The following THAP4 variants were observed in gnomAD, a reference collection of about 807,000 sequenced individuals.
THAP4 encodes THAP domain containing 4.
THAP4 carries 18 observed loss-of-function variants against 48.1 expected under a neutral mutation model. That is an observed-to-expected ratio of 0.37 (90% confidence interval 0.26 to 0.56). The LOEUF is 0.56. Among genes scored for constraint, THAP4 ranks in the 20% least tolerant of loss-of-function variants. THAP4 has a pLI of 0.78. For synonymous variants in THAP4, 345 were observed against 324.9 expected (o/e 1.06, Z -0.66); for missense variants, 656 against 774.9 (o/e 0.85, Z 1.82).
chr2:241,620,248 G>C (rs1291855075), intron 2 of THAP4, among the ~76,000 whole-genome samples: 3 of 97,970 alleles, frequency 3.1e-5, no homozygotes, highest in Non-Finnish European at 4.1e-5. Context: ...AGGAGTGAGT[G>C]AGGAGTGAGT....
At chr2:241,607,105 G>C (rs1432992222) in intron 2 of THAP4, among the ~76,000 whole-genome samples, 1 of 152,130 alleles carries the variant, frequency 6.6e-6, no homozygotes, top group Non-Finnish European at 1.5e-5. Flanking sequence ...CTTCACAGCA[G>C]CCTGTGTAGT....
At position 241,619,419 on chromosome 2, in the gene THAP4, T is replaced by A. The variant is rs990071419; in HGVS notation, c.1241-12946A>T. On this transcript the variant is annotated intron_variant, in intron 2 of 5. Transcript: ENST00000407315. ...ATTGTACAAACGTCACAGAGTGCAC[T>A]TACCGCGTACCACGCACCTAGGCTG... Among the ~76,000 whole-genome samples, 5 of 152,354 alleles carry A rather than the reference T, an allele frequency of 3.3e-5. No homozygotes were observed. The East Asian group carries it at 5.8e-4, about 18-fold the overall frequency.
In THAP4 at chr2:241,610,091, G is replaced by A. The variant is rs2067246002; in HGVS notation, c.1241-3618C>T. ...CCGGCCCCTGGGTCCCGAGGGCCCC[G>A]AGGAAGAGGCCAAGGGGCCTGGCGG... On this transcript the variant is annotated intron_variant, in intron 2 of 5. Coordinates refer to ENST00000407315, the MANE Select transcript of THAP4 (RefSeq NM_015963.6). The surrounding 1 kb of genome is among the most constrained non-coding windows in gnomAD (Gnocchi z 4.2). Among the ~76,000 whole-genome samples the A allele has an allele frequency of 6.6e-6, 1 of 152,180 alleles. No homozygotes were observed. Among genetic ancestry groups the A allele is most frequent in the East Asian group, 1.9e-4 (1 of 5,186 alleles).
chr2:241,594,905 A>G (rs372828386), intron 5 of THAP4, among the ~76,000 whole-genome samples: 1 of 152,332 alleles, frequency 6.6e-6, no homozygotes, highest in South Asian at 2.1e-4. Flanking sequence ...ATTGTGCCAC[A>G]GAAGATAAAT....
intron 5 of THAP4, among the ~76,000 whole-genome samples, chr2:241,593,592 C>T (rs951731006): frequency 9.9e-5 from 15 of 152,230 alleles, no homozygotes; most frequent in African/African-American, 2.7e-4. Flanking sequence ...ACAAAAGCTC[C>T]GTGGCGTGGC....
Position 241,635,587 on chromosome 2 carries a change from G to A in THAP4, c.77+1354C>T, listed in dbSNP as rs945183716. On this transcript the variant is annotated intron_variant, in intron 1 of 5. Coordinates refer to ENST00000407315, the MANE Select transcript of THAP4 (RefSeq NM_015963.6). ...GTTCGAGACCAGCCTGGCCAATATGGTGAAACCCTGTCTCTACTAAAAATA... is the reference window on the plus strand; with the variant it reads ...GTTCGAGACCAGCCTGGCCAATATGATGAAACCCTGTCTCTACTAAAAATA... 2.4e-4 allele frequency among the ~76,000 whole-genome samples: 36 copies of A among 152,064 alleles called. 1 individual carries two copies. The highest frequency in any genetic ancestry group is 4.6e-4 in the Non-Finnish European group (31 of 68,012).
intron 2 of THAP4, among the ~76,000 whole-genome samples, chr2:241,607,085 G>A (rs568147347): frequency 6.6e-6 from 1 of 152,146 alleles, no homozygotes; most frequent in African/African-American, 2.4e-5. Flanking sequence ...TCCCTGAGGA[G>A]GGGCTGGGGC....
chr2:241,625,797 CAAAAAA>C (rs147602587), intron 2 of THAP4, among the ~76,000 whole-genome samples: 29 of 50,154 alleles, frequency 5.8e-4, no homozygotes, highest in South Asian at 3.3e-3. Flanking sequence ...GACTCCGTCT[CAAAAAA>C]AAAAAAAAAA....
At chr2:241,619,848 TGAGGGGTGAGTGAG>T (rs1267314369) in intron 2 of THAP4, among the ~76,000 whole-genome samples, 37 of 59,678 alleles carry the variant, frequency 6.2e-4, no homozygotes, top group Non-Finnish European at 6.8e-4. Flanking sequence ...GAGGGGTGAG[TGAGGGGTGAGTGAG>T]GAGTCGGTGA....
chr2:241,602,143 A>G (rs1442022885), intron 4 of THAP4, 144 bp from the exon 5 acceptor site: 1 of 734,262 alleles, frequency 1.4e-6, no homozygotes. Flanking sequence ...CCTCCTCCCC[A>G]CTTCACCCTG....
chr2:241,630,318 G>A (rs796875560), intron 2 of THAP4, among the ~76,000 whole-genome samples: 13 of 152,242 alleles, frequency 8.5e-5, no homozygotes, highest in African/African-American at 2.6e-4. Flanking sequence ...TAAGGAACAC[G>A]CCAGGAACCA....
chr2:241,599,752 G>C (rs2067090395), intron 5 of THAP4, among the ~76,000 whole-genome samples: 1 of 152,114 alleles, frequency 6.6e-6, no homozygotes, highest in Non-Finnish European at 1.5e-5. Context: ...TATAAGCCTT[G>C]AGATGTTTAT....
At chr2:241,607,886 C>T (rs1389374399) in intron 2 of THAP4, among the ~76,000 whole-genome samples, 1 of 126,808 alleles carries the variant, frequency 7.9e-6, no homozygotes, top group Non-Finnish European at 1.7e-5. Context: ...TCCAGGCCCG[C>T]GCAAGCAGAA....
rs760711665 is a variant in THAP4 at position 241,632,920 on chromosome 2, G to A, written c.1237C>T (p.Arg413Cys). 4.4e-6 allele frequency: 7 copies of A among 1,596,138 alleles called. No individual in the cohort carries two copies. The highest frequency in any genetic ancestry group is 1.1e-5 in the South Asian group (1 of 88,718). ...TACGCGAGGCTCCGGTACTGACCGC[G>A]GCTGGGCGACAGCAGGCTACTTGGA... The part of the protein sequence containing the change: ...PYPSSLLSPS[R>C]EPPKMNPVVE... The change falls in exon 2 of 6, where the codon CGC becomes TGC. Residue 413 changes from arginine (R) to cysteine (C), a missense_variant. This residue lies in a region of THAP4 where 176 missense variants were observed against 256.7 expected (regional missense o/e 0.69). Transcript: ENST00000407315.
At chr2:241,620,522 G>A (rs1197761636) in intron 2 of THAP4, among the ~76,000 whole-genome samples, 1 of 145,416 alleles carries the variant, frequency 6.9e-6, no homozygotes, top group Non-Finnish European at 1.5e-5. Flanking sequence ...GTGAGTGAGG[G>A]GTGAGTGAGT....
intron 2 of THAP4, among the ~76,000 whole-genome samples, chr2:241,622,955 C>G (rs1341737791): frequency 2.0e-5 from 3 of 152,096 alleles, no homozygotes; most frequent in African/African-American, 7.2e-5. Flanking sequence ...CGGTGGCTCA[C>G]GGCTGTAATC....
chr2:241,620,706 GAGATGACTGTACACTATGGT>G (rs1282384431), intron 2 of THAP4, among the ~76,000 whole-genome samples: 1 of 151,896 alleles, frequency 6.6e-6, no homozygotes, highest in Non-Finnish European at 1.5e-5. Flanking sequence ...AAAGGCCTGG[GAGATGACTGTACACTATGGT>G]AGACTTTCTC....
intron 1 of THAP4, among the ~76,000 whole-genome samples, chr2:241,634,388 A>C (rs1281736602): frequency 6.6e-6 from 1 of 152,210 alleles, no homozygotes; most frequent in Non-Finnish European, 1.5e-5. Flanking sequence ...GCTGACAGAC[A>C]GTGCCAGGAT....
chr2:241,619,310 A>G (rs2067382268), intron 2 of THAP4, among the ~76,000 whole-genome samples: 1 of 152,230 alleles, frequency 6.6e-6, no homozygotes, highest in Non-Finnish European at 1.5e-5. Flanking sequence ...CCCTCCAAAC[A>G]AGGCACACTT....
Sources: allele counts gnomAD v4.1 joint callset (sites outside exome capture counted in the v4.1 genomes callset), GRCh38; gene constraint gnomAD v4.1.1; regional missense constraint gnomAD v4.1.1; non-coding constraint Gnocchi (gnomAD v3.1); transcripts MANE v1.5; gene names NCBI Gene and HGNC (gene_info 2026-07-23, HGNC 2026-07-21).